The following CNOT6L variants were observed in gnomAD, a reference collection of about 807,000 sequenced individuals.
CNOT6L encodes CCR4-NOT transcription complex subunit 6 like, also known as CCR4-NOT transcription complex subunit 6-like.
A neutral mutation model predicts 64.0 loss-of-function variants in CNOT6L; 7 were observed. The observed-to-expected ratio is 0.11, with a 90% CI of 0.06 to 0.21. The LOEUF (loss-of-function observed/expected upper bound fraction) is 0.21. Among genes scored for constraint, CNOT6L ranks in the 10% least tolerant of loss-of-function variants. CNOT6L has a pLI of 1.00. For synonymous variants in CNOT6L, 193 were observed against 243.4 expected, an observed-to-expected ratio of 0.79 and a Z score of 1.93; for missense variants, 245 against 669.0, an observed-to-expected ratio of 0.37 and a Z score of 6.99.
At chr4:77,769,579 C>T (rs1270041095) in intron 4 of CNOT6L, among the ~76,000 whole-genome samples, 2 of 152,044 alleles carry the variant, frequency 1.3e-5, no homozygotes. Flanking sequence ...TCACATACAA[C>T]ACAAAAATAA....
At position 77,748,394 on chromosome 4, in the gene CNOT6L, A is replaced by T. The variant is rs895028760; in HGVS notation, c.491-10T>A. 1.9e-6 allele frequency: 3 copies of T among 1,595,178 alleles called. No homozygotes were observed. The highest frequency in any genetic ancestry group is 4.5e-5 in the East Asian group (2 of 44,730). ...AGCTGCTCTGGATGAACTGAAAAAAATTTTGTAAATATAGGTTAATTTCAT... is the reference window on the plus strand; with the variant it reads ...AGCTGCTCTGGATGAACTGAAAAAATTTTTGTAAATATAGGTTAATTTCAT... On this transcript the variant is annotated splice_polypyrimidine_tract_variant and intron_variant, in intron 5 of 11. Transcript: ENST00000504123.
chr4:77,810,672 A>T (rs1732828466), intron 1 of CNOT6L, among the ~76,000 whole-genome samples: 1 of 152,076 alleles, frequency 6.6e-6, no homozygotes, highest in African/African-American at 2.4e-5. Context: ...CCTCCTAGCT[A>T]TTTGAAACTA....
rs1399535957 is a variant in CNOT6L at position 77,713,867 on chromosome 4, T to A, written c.*6564A>T. The A allele has an allele frequency of 6.6e-6, 1 of 152,576 alleles. No individual in the cohort carries two copies. Among genetic ancestry groups the A allele is most frequent in the Non-Finnish European group, 1.5e-5 (1 of 68,016 alleles). 9.5% of individuals were successfully genotyped at this position (152,576 alleles called of 1,614,324 possible). On this transcript the variant is annotated 3_prime_UTR_variant, in exon 12 of 12. Transcript: ENST00000504123. ...GAGAGTGTTAAATGGTTAAAACACCTACAGAACCAGTCTATTAAACATTAA... is the reference window on the plus strand; with the variant it reads ...GAGAGTGTTAAATGGTTAAAACACCAACAGAACCAGTCTATTAAACATTAA...
At chr4:77,728,151 T>C (rs1722076822) in intron 10 of CNOT6L, among the ~76,000 whole-genome samples, 2 of 152,234 alleles carry the variant, frequency 1.3e-5, no homozygotes, top group Admixed American at 6.5e-5. Flanking sequence ...AGAAGTAATA[T>C]GAAGCCCTAG....
Position 77,773,064 on chromosome 4 carries a change from G to A in CNOT6L, c.400+17C>T. 1 of 1,555,480 alleles carries A rather than the reference G, an allele frequency of 6.4e-7. No individual in the cohort carries two copies. The highest frequency in any genetic ancestry group is 1.2e-5 in the South Asian group (1 of 84,314). On this transcript the variant is annotated intron_variant, in intron 4 of 11. Transcript: ENST00000504123. ...AAAAGGCTCAGAATACCTCAAAACTGTTTAAAAATCACTTACCTTTCAAAC... is the reference window on the plus strand; with the variant it reads ...AAAAGGCTCAGAATACCTCAAAACTATTTAAAAATCACTTACCTTTCAAAC...
Position 77,715,693 on chromosome 4 carries a change from C to CT in CNOT6L, c.*4737dup, listed in dbSNP as rs1289013788. On this transcript the variant is annotated 3_prime_UTR_variant, in exon 12 of 12. Transcript: ENST00000504123. ...CTTACCACCTTCCTGGAAAGAACTG[C>CT]TTTTTTTTCTTTCTTTCTGTGAATC... is the stretch of plus-strand genomic sequence containing the variant. 15 of 152,398 alleles carry CT rather than the reference C, an allele frequency of 9.8e-5. No individual in the cohort carries two copies. Among genetic ancestry groups the CT allele is most frequent in the South Asian group, 6.2e-4 (3 of 4,812 alleles). 9.4% of individuals were successfully genotyped at this position (152,398 alleles called of 1,614,324 possible).
rs919060086 is a variant in CNOT6L, at chr4:77,720,297, C to T, written c.*134G>A. The T allele has an allele frequency of 1.0e-6, 1 of 963,610 alleles. No individual in the cohort carries two copies. The highest frequency in any genetic ancestry group is 1.6e-6 in the Non-Finnish European group (1 of 641,016). 59.7% of individuals were successfully genotyped at this position (963,610 alleles called of 1,614,324 possible). A position where few individuals can be genotyped will look rare whatever the true frequency, so the allele number is the denominator to read the frequency against. ...CAATATGCACAAAAATGTACAAAGT[C>T]TTACAGCAAACACATAATGAAAGAA... On this transcript the variant is annotated 3_prime_UTR_variant, in exon 12 of 12. Transcript: ENST00000504123.
chr4:77,729,615 G>A (rs1325291471), intron 9 of CNOT6L, among the ~76,000 whole-genome samples: 1 of 152,170 alleles, frequency 6.6e-6, no homozygotes, highest in Non-Finnish European at 1.5e-5. Flanking sequence ...GAATTAGAGA[G>A]TAGTGTGCTA....
At chr4:77,735,500 T>C (rs1442178055) in intron 8 of CNOT6L, among the ~76,000 whole-genome samples, 1 of 152,230 alleles carries the variant, frequency 6.6e-6, no homozygotes, top group Non-Finnish European at 1.5e-5. Context: ...TTGCCAGTTC[T>C]CTAACCACAC....
chr4:77,805,097 G>T (rs1220903831), intron 1 of CNOT6L, among the ~76,000 whole-genome samples: 1 of 152,094 alleles, frequency 6.6e-6, no homozygotes, highest in Non-Finnish European at 1.5e-5. Context: ...ACCTGAGTAT[G>T]TATGCATGGA....
At chr4:77,724,399 G>GA (rs1244851950) in intron 11 of CNOT6L, among the ~76,000 whole-genome samples, 1 of 151,810 alleles carries the variant, frequency 6.6e-6, no homozygotes, top group Non-Finnish European at 1.5e-5. Context: ...AGCACTTTGG[G>GA]AGGCTGAGGC....
upstream of CNOT6L, chr4:77,819,613 G>GGGC (rs889653462): frequency 3.9e-4 from 64 of 163,412 alleles, 1 homozygote; most frequent in Admixed American, 6.6e-4. Context: ...GCCGGGGTCC[G>GGGC]GGCGGCGGCG....
intron 1 of CNOT6L, among the ~76,000 whole-genome samples, chr4:77,780,406 T>C (rs896903288): frequency 6.6e-6 from 1 of 152,352 alleles, no homozygotes; most frequent in East Asian, 1.9e-4. Context: ...CAACCAAATT[T>C]ATACTGGGAA....
intron 1 of CNOT6L, among the ~76,000 whole-genome samples, chr4:77,779,741 C>G (rs898018744): frequency 6.6e-6 from 1 of 152,130 alleles, no homozygotes; most frequent in African/African-American, 2.4e-5. Flanking sequence ...GCGGGCAGAT[C>G]ACGAGGTCAG....
chr4:77,795,721 G>A (rs1384032377), intron 1 of CNOT6L, among the ~76,000 whole-genome samples: 1 of 152,100 alleles, frequency 6.6e-6, no homozygotes, highest in African/African-American at 2.4e-5. Flanking sequence ...AGCTGATTAA[G>A]CCTCTTCTCT....
chr4:77,798,269 T>C lies in CNOT6L; in HGVS notation c.5+21035A>G, dbSNP rs527335564. ...GCTGCAGTGAGCTATGATCGTACCA[T>C]TGCACTCCTGCCTTGACAACAGATT... On this transcript the variant is annotated intron_variant, in intron 1 of 11. Coordinates refer to ENST00000504123, the MANE Select transcript of CNOT6L (RefSeq NM_144571.3). Among the ~76,000 whole-genome samples the C allele has an allele frequency of 1.5e-3, 230 of 152,220 alleles. 6 individuals are homozygous for C. Among genetic ancestry groups the C allele is most frequent in the Middle Eastern group, 3.4e-3 (1 of 294 alleles).
intron 11 of CNOT6L, 74 bp downstream of exon 11, chr4:77,726,093 A>C: frequency 7.6e-7 from 1 of 1,313,384 alleles, no homozygotes; most frequent in Non-Finnish European, 1.1e-6. Context: ...ATTAATCATA[A>C]AGAATTTACA....
intron 3 of CNOT6L, among the ~76,000 whole-genome samples, chr4:77,773,379 T>C (rs578091755): frequency 6.6e-6 from 1 of 152,306 alleles, no homozygotes; most frequent in South Asian, 2.1e-4. Flanking sequence ...TTTCTAGGAT[T>C]TACTCATTTG....
At chr4:77,770,667 C>G (rs533667854) in intron 4 of CNOT6L, among the ~76,000 whole-genome samples, 21 of 152,124 alleles carry the variant, frequency 1.4e-4, no homozygotes, top group African/African-American at 4.8e-4. Flanking sequence ...ATAAACAAAG[C>G]TAAGTTACAG....
Sources: allele counts gnomAD v4.1 joint callset (sites outside exome capture counted in the v4.1 genomes callset), GRCh38; gene constraint gnomAD v4.1.1; transcripts MANE v1.5; gene names NCBI Gene and HGNC (gene_info 2026-07-23, HGNC 2026-07-21).